PACSIN3: variants seen among roughly 807,000 people sequenced by gnomAD.
PACSIN3 encodes the protein protein kinase C and casein kinase substrate in neurons protein 3.
A neutral mutation model predicts 56.1 loss-of-function variants in PACSIN3; 34 were observed. That is an observed-to-expected ratio of 0.61 (90% confidence interval 0.46 to 0.81). PACSIN3 has a LOEUF of 0.81. Ranked by LOEUF, PACSIN3 falls within the 30% of genes least tolerant of loss-of-function variation. The pLI is 0.00. For synonymous variants in PACSIN3, 218 were observed against 229.8 expected (o/e 0.95, Z 0.46); for missense variants, 535 against 592.4 (o/e 0.90, Z 1.01).
At chr11:47,181,905 C>T (rs1050760864) in intron 4 of PACSIN3, among the ~76,000 whole-genome samples, 2 of 152,096 alleles carry the variant, frequency 1.3e-5, no homozygotes, top group Non-Finnish European at 2.9e-5. Context: ...GTAATCCCAG[C>T]ACTTGGGGAG....
In PACSIN3 at chr11:47,180,252, G is replaced by A. The variant is rs571321751; in HGVS notation, c.537C>T (p.Ala179=). The A allele has an allele frequency of 3.6e-5, 58 of 1,603,640 alleles. No homozygotes were observed. Among genetic ancestry groups the A allele is most frequent in the Admixed American group, 1.8e-4 (11 of 60,002 alleles). ...GTTTGCGCAGCTGCTCCTGGGAGAC[G>A]GCGCTGTCTGCCTTTGCGTGGCTCT... ...TRESHAKADS[A]VSQEQLRKLQ... Residue 179 remains alanine (A), a synonymous_variant, in exon 6 of 11, where the codon GCC becomes GCT. Transcript: ENST00000298838.
chr11:47,183,965 C>T (rs930221327), intron 1 of PACSIN3, among the ~76,000 whole-genome samples: 2 of 150,890 alleles, frequency 1.3e-5, no homozygotes, highest in Non-Finnish European at 2.9e-5. Context: ...GAGGAGGTTG[C>T]GGTGAGCAGA....
chr11:47,180,331 G>A lies in PACSIN3; in HGVS notation c.458C>T (p.Ser153Phe). Residue 153 changes from serine (S) to phenylalanine (F), a missense_variant, in exon 6 of 11, where the codon TCC (serine) becomes TTC (phenylalanine). Ser to Phe is a radical substitution (Grantham distance 155, BLOSUM62 -2). Coordinates refer to ENST00000298838, the MANE Select transcript of PACSIN3 (RefSeq NM_016223.5). ...CCGGGCTGCGTGGTAGCTTTTCTTGGAAGCCTCAACCTGGCATGCATGGAG... is the reference window on the plus strand; with the variant it reads ...CCGGGCTGCGTGGTAGCTTTTCTTGAAAGCCTCAACCTGGCATGCATGGAG... ...WLKRLKEVEA[S>F]KKSYHAARKD... The A allele has an allele frequency of 6.2e-7, 1 of 1,601,920 alleles. No individual in the cohort carries two copies. Among genetic ancestry groups the A allele is most frequent in the Non-Finnish European group, 8.5e-7 (1 of 1,179,964 alleles).
Position 47,177,903 on chromosome 11 carries a change from A to C in PACSIN3, c.*28T>G. ...AGCTGGGCTCTGAACCAGGGTGGGT[A>C]AACGTTGCAGAAGGGCTGTCAGGAC... is the stretch of plus-strand genomic sequence containing the variant. On this transcript the variant is annotated 3_prime_UTR_variant, in exon 11 of 11. Transcript: ENST00000298838. 3.2e-6 allele frequency: 5 copies of C among 1,547,424 alleles called. No individual in the cohort carries two copies. Among genetic ancestry groups the C allele is most frequent in the Non-Finnish European group, 4.5e-6 (5 of 1,119,488 alleles).
Position 47,177,896 on chromosome 11 carries a change from G to C in PACSIN3, c.*35C>G. On this transcript the variant is annotated 3_prime_UTR_variant, in exon 11 of 11. Transcript: ENST00000298838. ...CAGGAGAAGCTGGGCTCTGAACCAG[G>C]GTGGGTAAACGTTGCAGAAGGGCTG... 1 of 1,516,960 alleles carries C rather than the reference G, an allele frequency of 6.6e-7. No individual in the cohort carries two copies. Among genetic ancestry groups the C allele is most frequent in the Non-Finnish European group, 9.2e-7 (1 of 1,091,802 alleles). The allele number at this position is 1,516,960 out of a possible 1,614,324, so 94.0% of individuals were successfully genotyped here. A position where few individuals can be genotyped will look rare whatever the true frequency, so the allele number is the denominator to read the frequency against.
At chr11:47,182,611 C>T (rs770560316) in intron 3 of PACSIN3, 52 bp from the exon 4 acceptor site, 3 of 1,604,028 alleles carry the variant, frequency 1.9e-6, no homozygotes, top group Non-Finnish European at 2.6e-6. Context: ...TCCTTTGGGG[C>T]TGGGGCTGTC....
At chr11:47,180,722 T>G in intron 4 of PACSIN3, 32 bp from the exon 5 acceptor site, 1 of 1,544,934 alleles carries the variant, frequency 6.5e-7, no homozygotes. Flanking sequence ...AGGCCAGGCC[T>G]GGGTACCACC....
At chr11:47,182,805 T>C in intron 2 of PACSIN3, 41 bp from the exon 3 acceptor site, 1 of 1,468,600 alleles carries the variant, frequency 6.8e-7, no homozygotes, top group Non-Finnish European at 9.3e-7. Context: ...CTGGACATTA[T>C]GTTTCTGGGG....
Position 47,178,911 on chromosome 11 carries a change from CTG to C in PACSIN3, c.1018_1019del (p.Gln340ValfsTer11). On this transcript the variant is annotated frameshift_variant, in exon 9 of 11. Transcript: ENST00000298838. LOFTEE classifies it high-confidence loss of function. This position sits in a 1 kb window ranked among gnomAD's most constrained non-coding sequence, Gnocchi z 4.2. ...PTRDGTAPPP[Q>X]SPGSPGTGQD... ...GCTCTCACCCTGGGGACCCCGGGGACTGGGGTGGGGGTGCGGTGCCATCTCTT... is the reference window on the plus strand; with the variant it reads ...GCTCTCACCCTGGGGACCCCGGGGACGGGTGGGGGTGCGGTGCCATCTCTT... 1 of 1,613,942 alleles carries C rather than the reference CTG, an allele frequency of 6.2e-7. No homozygotes were observed. The highest frequency in any genetic ancestry group is 8.5e-7 in the Non-Finnish European group (1 of 1,180,014).
At chr11:47,184,767 G>A (rs1453018018) in intron 1 of PACSIN3, among the ~76,000 whole-genome samples, 1 of 152,190 alleles carries the variant, frequency 6.6e-6, no homozygotes, top group African/African-American at 2.4e-5. Flanking sequence ...GAGAGCTGCT[G>A]CCATGAATCA....
chr11:47,182,253 C>T, intron 4 of PACSIN3, 150 bp downstream of exon 4: 2 of 703,976 alleles, frequency 2.8e-6, no homozygotes, highest in Non-Finnish European at 4.5e-6. Flanking sequence ...TTTAATAACA[C>T]CACAGCCATG....
chr11:47,182,664 A>G lies in PACSIN3; in HGVS notation c.54+10T>C. 3 of 1,611,028 alleles carry G rather than the reference A, an allele frequency of 1.9e-6. No homozygotes were observed. The highest frequency in any genetic ancestry group is 2.5e-6 in the Non-Finnish European group (3 of 1,178,384). ...AGACAAGTAGCTGAGCCCAGGACCC[A>G]GCTGCTCACCTCCCAGAAACTGCCC... On this transcript the variant is annotated intron_variant, in intron 3 of 10. Transcript: ENST00000298838.
intron 1 of PACSIN3, chr11:47,185,862 A>G (rs2135466421): frequency 1.3e-5 from 2 of 152,394 alleles, no homozygotes; most frequent in South Asian, 4.1e-4. Context: ...TTCTTGGCCA[A>G]ACTTGTTGAA....
At chr11:47,180,065 G>C in intron 6 of PACSIN3, 121 bp downstream of exon 6, 1 of 847,134 alleles carries the variant, frequency 1.2e-6, no homozygotes, top group Non-Finnish European at 1.9e-6. Flanking sequence ...TGGAGAGAGG[G>C]TGGCAGGTGA....
chr11:47,181,797 T>C (rs1223681147), intron 4 of PACSIN3, among the ~76,000 whole-genome samples: 1 of 151,938 alleles, frequency 6.6e-6, no homozygotes, highest in African/African-American at 2.4e-5. Flanking sequence ...TCCATGATTG[T>C]ACCACTGCAC....
In PACSIN3 at chr11:47,179,065, T is replaced by C. The variant is rs781537335; in HGVS notation, c.901-35A>G. Reference sequence around the variant, plus strand: ...CAGTGCTTATAGTCAGGTGGGGCCATCTGAACCACCTTCACTTACTTCATC... The same window carrying C: ...CAGTGCTTATAGTCAGGTGGGGCCACCTGAACCACCTTCACTTACTTCATC... On this transcript the variant is annotated intron_variant, in intron 8 of 10. Coordinates refer to ENST00000298838, the MANE Select transcript of PACSIN3 (RefSeq NM_016223.5). This position sits in a 1 kb window ranked among gnomAD's most constrained non-coding sequence, Gnocchi z 4.4. 1.0e-4 allele frequency: 167 copies of C among 1,614,028 alleles called. 1 individual carries two copies. The East Asian group carries it at 3.5e-3, about 34-fold the overall frequency.
rs1172541397 is a variant in PACSIN3 at position 47,177,944 on chromosome 11, C to T, written c.1262G>A (p.Cys421Tyr). The T allele has an allele frequency of 2.5e-6, 4 of 1,613,310 alleles. No homozygotes were observed. Among genetic ancestry groups the T allele is most frequent in the Non-Finnish European group, 2.5e-6 (3 of 1,179,390 alleles). The stretch of plus-strand genomic sequence containing the variant: ...CTGTCAGGACACTCAGGCGCCCACA[C>T]ACTCCACGTAGTTGGCAGGGTACAG... Reference protein sequence around the residue: ...IGLYPANYVECVGA With the variant: ...IGLYPANYVEYVGA The change falls in exon 11 of 11, where the codon TGT becomes TAT. Residue 421 changes from cysteine to tyrosine, a missense_variant. Transcript: ENST00000298838.
In PACSIN3 at chr11:47,180,299, C is replaced by T; in HGVS notation, c.490G>A (p.Glu164Lys). Reference protein sequence around the residue: ...KKSYHAARKDEKTAQTRESHA... With the variant: ...KKSYHAARKDKKTAQTRESHA... ...CTCTCCCTCGTCTGGGCGGTCTTCT[C>T]ATCCTTCCGGGCTGCGTGGTAGCTT... is the stretch of plus-strand genomic sequence containing the variant. Residue 164 changes from glutamate (E) to lysine (K), a missense_variant, in exon 6 of 11, where the codon GAG becomes AAG. Physicochemically the swap from Glu to Lys is moderately conservative, Grantham distance 56 (BLOSUM62 1). Coordinates refer to ENST00000298838, the MANE Select transcript of PACSIN3 (RefSeq NM_016223.5). 6.2e-7 allele frequency: 1 copy of T among 1,602,990 alleles called. No individual in the cohort carries two copies. The highest frequency in any genetic ancestry group is 1.1e-5 in the South Asian group (1 of 91,086).
Position 47,177,852 on chromosome 11 carries a change from C to T in PACSIN3, c.*79G>A, listed in dbSNP as rs186847587. 1.2e-4 allele frequency: 136 copies of T among 1,104,758 alleles called. No homozygotes were observed. In the African/African-American group the frequency reaches 1.9e-3, roughly 15 times the overall value. 68.4% of individuals were successfully genotyped at this position (1,104,758 alleles called of 1,614,324 possible). On this transcript the variant is annotated 3_prime_UTR_variant, in exon 11 of 11. Coordinates refer to ENST00000298838, the MANE Select transcript of PACSIN3 (RefSeq NM_016223.5). Reference sequence around the variant, plus strand: ...GCAGCCAGAGAGCGACGGTTCAGGGCCCTGAGGGTCCGGCTCTCCAGGAGA... The same window carrying T: ...GCAGCCAGAGAGCGACGGTTCAGGGTCCTGAGGGTCCGGCTCTCCAGGAGA...
Sources: allele counts gnomAD v4.1 joint callset (sites outside exome capture counted in the v4.1 genomes callset), GRCh38; gene constraint gnomAD v4.1.1; non-coding constraint Gnocchi (gnomAD v3.1); transcripts MANE v1.5; gene names NCBI Gene and HGNC (gene_info 2026-07-23, HGNC 2026-07-21).